Variants in ZC3H12B observed in about 807,000 individuals in gnomAD.
The protein encoded by ZC3H12B is zinc finger CCCH-type containing 12B, also known as probable ribonuclease ZC3H12B.
Under a neutral mutation model 43.9 loss-of-function variants are expected in ZC3H12B, and 7 were observed. That is an observed-to-expected ratio of 0.16 (90% confidence interval 0.09 to 0.30). The LOEUF (loss-of-function observed/expected upper bound fraction) is 0.30, where lower values mean the gene tolerates loss of function less well. ZC3H12B is among the 10% of genes least tolerant of loss of function. The probability of loss-of-function intolerance (pLI) is 1.00; values close to 1 mark genes in which losing one functional copy is unlikely to be tolerated. For missense variants in ZC3H12B, 475 were observed against 670.2 expected (o/e 0.71, Z 3.22); for synonymous variants, 222 against 241.7 (o/e 0.92, Z 0.76).
the ZC3H12B span, among the ~76,000 whole-genome samples, chrX:65,285,049 G>T: frequency 9.1e-6 from 1 of 110,269 alleles, no homozygotes; most frequent in African/African-American, 3.3e-5. Context: ...ACAAAGAAAC[G>T]ATTAGAAAAC....
At chrX:65,219,680 T>A in the ZC3H12B span, among the ~76,000 whole-genome samples, 1 of 111,212 alleles carries the variant, frequency 9.0e-6, no homozygotes, top group East Asian at 2.8e-4. Context: ...TAAGAATAAT[T>A]GGTGTTCCAG....
chrX:65,228,378 G>A, the ZC3H12B span, among the ~76,000 whole-genome samples: 429 of 111,320 alleles, frequency 3.9e-3, no homozygotes, highest in Non-Finnish European at 6.2e-3. Flanking sequence ...TTGATGGGAC[G>A]TATCTCAAAA....
chrX:65,110,749 T>C, the ZC3H12B span, among the ~76,000 whole-genome samples: 1 of 111,922 alleles, frequency 8.9e-6, no homozygotes, highest in Non-Finnish European at 1.9e-5. Flanking sequence ...TAGAATAATC[T>C]TGTCTATATC....
At chrX:65,445,516 C>A (rs751347912) in intron 3 of ZC3H12B, among the ~76,000 whole-genome samples, 30 of 112,360 alleles carry the variant, frequency 2.7e-4, no homozygotes, top group South Asian at 3.7e-4. Flanking sequence ...GTATCTCTTT[C>A]CATAATGAGC....
At chrX:65,455,878 A>G (rs1216484249) in intron 3 of ZC3H12B, among the ~76,000 whole-genome samples, 1 of 111,833 alleles carries the variant, frequency 8.9e-6, no homozygotes, top group Non-Finnish European at 1.9e-5. Context: ...AGCCAAACTA[A>G]GCTTCATAAG....
the ZC3H12B span, among the ~76,000 whole-genome samples, chrX:65,139,617 A>G: frequency 1.1e-5 from 1 of 88,226 alleles, no homozygotes. Flanking sequence ...TATTTCTATG[A>G]AAAAAGTCAT....
At chrX:65,246,223 A>G in the ZC3H12B span, among the ~76,000 whole-genome samples, 10 of 110,476 alleles carry the variant, frequency 9.1e-5, no homozygotes, top group African/African-American at 3.3e-4. Flanking sequence ...AAAGGTCTCT[A>G]TGGGAGAACC....
At chrX:65,246,762 G>A in the ZC3H12B span, among the ~76,000 whole-genome samples, 1 of 112,092 alleles carries the variant, frequency 8.9e-6, no homozygotes, top group Non-Finnish European at 1.9e-5. Context: ...AACTTAAGAT[G>A]GATTGAAGAC....
the ZC3H12B span, among the ~76,000 whole-genome samples, chrX:65,157,195 G>T: frequency 9.0e-6 from 1 of 111,007 alleles, no homozygotes; most frequent in Non-Finnish European, 1.9e-5. Context: ...TCCCCAGGCT[G>T]GTCTCAGACT....
the ZC3H12B span, among the ~76,000 whole-genome samples, chrX:65,348,489 C>G: frequency 1.8e-5 from 2 of 111,099 alleles, no homozygotes; most frequent in Non-Finnish European, 3.8e-5. Flanking sequence ...ATCATAATGA[C>G]AGGATAAAAT....
chrX:65,350,071 C>T, the ZC3H12B span, among the ~76,000 whole-genome samples: 2 of 111,794 alleles, frequency 1.8e-5, no homozygotes, highest in African/African-American at 6.5e-5. Flanking sequence ...AAATTTCAGG[C>T]CAATATCCCT....
intron 3 of ZC3H12B, among the ~76,000 whole-genome samples, chrX:65,454,013 G>A (rs1464506763): frequency 8.9e-6 from 1 of 112,004 alleles, no homozygotes; most frequent in Non-Finnish European, 1.9e-5. Flanking sequence ...AAAGGGTGGA[G>A]CCAAGATGGC....
chrX:65,107,974 G>T, the ZC3H12B span, among the ~76,000 whole-genome samples: 3 of 111,614 alleles, frequency 2.7e-5, no homozygotes, highest in Admixed American at 9.6e-5. Context: ...AGTAAATACT[G>T]CAGGCAGTTG....
At chrX:65,350,078 C>A in the ZC3H12B span, among the ~76,000 whole-genome samples, 1 of 111,927 alleles carries the variant, frequency 8.9e-6, no homozygotes, top group African/African-American at 3.2e-5. Context: ...AGGCCAATAT[C>A]CCTGATGAAC....
At chrX:65,393,935 T>C (rs566168802) in intron 2 of ZC3H12B, among the ~76,000 whole-genome samples, 1 of 112,728 alleles carries the variant, frequency 8.9e-6, no homozygotes, top group East Asian at 2.8e-4. Flanking sequence ...TTGATTTGCA[T>C]TTCTCTAATG....
intron 3 of ZC3H12B, among the ~76,000 whole-genome samples, chrX:65,459,606 C>A (rs1346024151): frequency 2.7e-5 from 3 of 111,856 alleles, no homozygotes; most frequent in South Asian, 3.7e-4. Context: ...ATGACAAAAA[C>A]CACATGATTA....
the ZC3H12B span, among the ~76,000 whole-genome samples, chrX:65,124,721 T>G: frequency 0.012 from 1,389 of 111,145 alleles, 4 homozygotes; most frequent in Middle Eastern, 0.023. Context: ...AGGAGGGTTG[T>G]GTATTTTCAG....
the ZC3H12B span, among the ~76,000 whole-genome samples, chrX:65,230,285 A>T: frequency 9.1e-6 from 1 of 110,362 alleles, no homozygotes; most frequent in Admixed American, 9.7e-5. Flanking sequence ...TATTGCAAGA[A>T]CGAGAAACCA....
At chrX:65,095,869 C>A in the ZC3H12B span, among the ~76,000 whole-genome samples, 5 of 110,792 alleles carry the variant, frequency 4.5e-5, no homozygotes, top group Non-Finnish European at 9.4e-5. Flanking sequence ...AGACTGAGCT[C>A]TAAATCATAG....
Sources: gnomAD v4.1 joint callset for allele counts (sites outside exome capture counted in the v4.1 genomes callset) on GRCh38, gnomAD v4.1.1 for gene constraint, MANE v1.5 for transcripts, NCBI Gene and HGNC (gene_info 2026-07-23, HGNC 2026-07-21) for gene names.